IFFO2: variants seen among roughly 807,000 people sequenced by gnomAD.
IFFO2 encodes intermediate filament family orphan 2.
A neutral mutation model predicts 53.5 loss-of-function variants in IFFO2; 19 were observed. The observed-to-expected ratio is 0.36, with a 90% CI of 0.25 to 0.52. The LOEUF is 0.52. Ranked by LOEUF, IFFO2 falls within the 20% of genes least tolerant of loss-of-function variation. The pLI is 0.94. For missense variants in IFFO2, 570 were observed against 727.4 expected, an observed-to-expected ratio of 0.78 and a Z score of 2.49; for synonymous variants, 303 against 313.6, an observed-to-expected ratio of 0.97 and a Z score of 0.36.
chr1:18,908,548 A>G lies in IFFO2; in HGVS notation c.*13T>C. On this transcript the variant is annotated 3_prime_UTR_variant, in exon 9 of 9. Transcript: ENST00000455833. ...CCATCACCAAGACCACCAGGCTCGC[A>G]GGGCCTCAGTCATCAGCTGACCATG... The G allele has an allele frequency of 6.5e-7, 1 of 1,541,378 alleles. No individual in the cohort carries two copies. The highest frequency in any genetic ancestry group is 1.2e-5 in the South Asian group (1 of 83,858).
chr1:18,950,715 C>T (rs989222382), intron 1 of IFFO2, among the ~76,000 whole-genome samples: 2 of 152,162 alleles, frequency 1.3e-5, no homozygotes, highest in Non-Finnish European at 2.9e-5. Context: ...CTTCGGGCTT[C>T]GGGACATTCA....
intron 1 of IFFO2, among the ~76,000 whole-genome samples, chr1:18,946,554 ACAGGTGCCTGCCACCATGCC>A (rs1936590645): frequency 6.6e-6 from 1 of 151,310 alleles, no homozygotes; most frequent in South Asian, 2.1e-4. Flanking sequence ...AGCTGGGATT[ACAGGTGCCTGCCACCATGCC>A]CGGCTAATTT....
At chr1:18,934,753 C>T (rs1015399593) in intron 1 of IFFO2, among the ~76,000 whole-genome samples, 1 of 152,118 alleles carries the variant, frequency 6.6e-6, no homozygotes, top group Non-Finnish European at 1.5e-5. Flanking sequence ...CAACGGGATG[C>T]GACCATATGT....
Position 18,955,661 on chromosome 1 carries a change from C to T in IFFO2, c.665+7G>A, listed in dbSNP as rs1220214991. On this transcript the variant is annotated splice_region_variant and intron_variant, in intron 1 of 8. Transcript: ENST00000455833. ...CCCAGGGCGGCGGGGGAGGGGCGGC[C>T]ACTCACCTCCGCTTATACTCGTCGC... 9.6e-6 allele frequency: 15 copies of T among 1,569,660 alleles called. No homozygotes were observed. Among genetic ancestry groups the T allele is most frequent in the Middle Eastern group, 4.3e-4 (2 of 4,642 alleles).
Position 18,916,292 on chromosome 1 carries a change from G to A in IFFO2, c.1103+611C>T, listed in dbSNP as rs959292998. ...TTTTGGAGGAAGCTTTCGAAGGAAA[G>A]GCAGGAGAATGGCAGACAGGGAACA... is the stretch of plus-strand genomic sequence containing the variant. On this transcript the variant is annotated intron_variant, in intron 5 of 8. Transcript: ENST00000455833. This position sits in a 1 kb window ranked among gnomAD's most constrained non-coding sequence, Gnocchi z 4.3. 6.6e-6 allele frequency among the ~76,000 whole-genome samples: 1 copy of A among 152,154 alleles called. No homozygotes were observed. Among genetic ancestry groups the A allele is most frequent in the African/African-American group, 2.4e-5 (1 of 41,424 alleles).
At chr1:18,944,709 C>T (rs542604045) in intron 1 of IFFO2, among the ~76,000 whole-genome samples, 11 of 152,314 alleles carry the variant, frequency 7.2e-5, no homozygotes, top group African/African-American at 2.4e-4. Flanking sequence ...CACGTACATA[C>T]ATGCACACTC....
chr1:18,915,540 T>A (rs925203620), intron 5 of IFFO2, among the ~76,000 whole-genome samples: 1 of 152,120 alleles, frequency 6.6e-6, no homozygotes, highest in African/African-American at 2.4e-5. Context: ...CAGTGTTTCC[T>A]ACTGACAGCG....
At chr1:18,925,766 A>G (rs564621060) in intron 1 of IFFO2, among the ~76,000 whole-genome samples, 1 of 151,424 alleles carries the variant, frequency 6.6e-6, no homozygotes, top group East Asian at 1.9e-4. Flanking sequence ...GGTTGGATGG[A>G]TGGATGGATG....
rs375839018 is a variant in IFFO2, at chr1:18,919,702, C to T, written c.798G>A (p.Val266=). The T allele has an allele frequency of 3.1e-4, 475 of 1,551,678 alleles. 5 individuals carry two copies. Among genetic ancestry groups the T allele is most frequent in the South Asian group, 1.9e-3 (159 of 84,064 alleles). The change falls in exon 3 of 9, where the codon GTG becomes GTA. Residue 266 remains valine, a synonymous_variant. Coordinates refer to ENST00000455833, the MANE Select transcript of IFFO2 (RefSeq NM_001136265.2). This position sits in a 1 kb window ranked among gnomAD's most constrained non-coding sequence, Gnocchi z 4.9. ...EKIERLKAEL[V]VFKGLMSDPM... is the part of the protein sequence containing the mutation. Reference sequence around the variant, plus strand: ...CGTCACTCATAAGCCCCTTAAACACCACCAGCTCGGCCTTGAGCCGCTCGA... The same window carrying T: ...CGTCACTCATAAGCCCCTTAAACACTACCAGCTCGGCCTTGAGCCGCTCGA...
Position 18,928,199 on chromosome 1 carries a change from C to T in IFFO2, c.666-7078G>A, listed in dbSNP as rs989277296. Among the ~76,000 whole-genome samples, 2 of 152,170 alleles carry T rather than the reference C, an allele frequency of 1.3e-5. No individual in the cohort carries two copies. The highest frequency in any genetic ancestry group is 1.9e-4 in the East Asian group (1 of 5,186). On this transcript the variant is annotated intron_variant, in intron 1 of 8. Transcript: ENST00000455833. The surrounding 1 kb of genome is among the most constrained non-coding windows in gnomAD (Gnocchi z 4.9). ...CCCCTCCTGCCTGCCCCAAGCCCCACCCCCTGGGGACACCTGGCACCACCT... is the reference window on the plus strand; with the variant it reads ...CCCCTCCTGCCTGCCCCAAGCCCCATCCCCTGGGGACACCTGGCACCACCT...
At chr1:18,914,866 T>G (rs1313003327) in intron 5 of IFFO2, among the ~76,000 whole-genome samples, 1 of 143,432 alleles carries the variant, frequency 7.0e-6, no homozygotes, top group African/African-American at 2.6e-5. Context: ...CAGCAAAAGA[T>G]GAGAATATGA....
intron 1 of IFFO2, among the ~76,000 whole-genome samples, chr1:18,938,967 C>T (rs1936486499): frequency 6.6e-6 from 1 of 152,244 alleles, no homozygotes; most frequent in African/African-American, 2.4e-5. Context: ...TGGCAGGCAA[C>T]ACTGCTTAAC....
chr1:18,925,798 GATGGA>G (rs1158622196), intron 1 of IFFO2, among the ~76,000 whole-genome samples: 1 of 142,092 alleles, frequency 7.0e-6, no homozygotes, highest in Non-Finnish European at 1.5e-5. Flanking sequence ...TGGATGGATG[GATGGA>G]TTGGTTGGAT....
In IFFO2 at chr1:18,916,815, G is replaced by C; in HGVS notation, c.1103+88C>G. On this transcript the variant is annotated intron_variant, in intron 5 of 8. Coordinates refer to ENST00000455833, the MANE Select transcript of IFFO2 (RefSeq NM_001136265.2). The surrounding 1 kb of genome is among the most constrained non-coding windows in gnomAD (Gnocchi z 4.3). ...GAATTCAAATTCTTCCAGTGCTGCA[G>C]GCTACTCTCAGCCCAAGCCTCCCAT... 7.0e-7 allele frequency: 1 copy of C among 1,430,222 alleles called. No homozygotes were observed. Among genetic ancestry groups the C allele is most frequent in the Non-Finnish European group, 9.5e-7 (1 of 1,053,148 alleles). The allele number at this position is 1,430,222 out of a possible 1,614,324, so 88.6% of individuals were successfully genotyped here. A position where few individuals can be genotyped will look rare whatever the true frequency, so the allele number is the denominator to read the frequency against.
intron 1 of IFFO2, among the ~76,000 whole-genome samples, chr1:18,925,842 G>T (rs1569847158): frequency 1.7e-4 from 13 of 75,130 alleles, no homozygotes; most frequent in Non-Finnish European, 3.4e-4. Flanking sequence ...ATGGATGGAT[G>T]GATGGATGGA....
At chr1:18,910,319 C>T (rs1441779226) in intron 8 of IFFO2, 23 bp downstream of exon 8, 1 of 1,586,130 alleles carries the variant, frequency 6.3e-7, no homozygotes, top group Non-Finnish European at 8.6e-7. Context: ...ATAGCTGAAT[C>T]CCCTGGGAGG....
chr1:18,924,576 T>C (rs1278911901), intron 1 of IFFO2, among the ~76,000 whole-genome samples: 2 of 152,136 alleles, frequency 1.3e-5, no homozygotes, highest in Admixed American at 1.3e-4. Flanking sequence ...CCCCAGCCCA[T>C]GGCTGAGCAA....
chr1:18,922,232 C>T (rs1381146814), intron 1 of IFFO2, among the ~76,000 whole-genome samples: 1 of 152,160 alleles, frequency 6.6e-6, no homozygotes, highest in East Asian at 1.9e-4. Flanking sequence ...CCTAACCCAG[C>T]TCCTCCAACA....
At position 18,917,451 on chromosome 1, in the gene IFFO2, C is replaced by T. The variant is rs936562401; in HGVS notation, c.964-409G>A. On this transcript the variant is annotated intron_variant, in intron 4 of 8. Transcript: ENST00000455833. The surrounding 1 kb of genome is among the most constrained non-coding windows in gnomAD (Gnocchi z 5.9). ...CCATGCTGACCAGAGCCCTCCTGCT[C>T]ACATGCAAAGGCAAAGGACAGACGG... Among the ~76,000 whole-genome samples the T allele has an allele frequency of 1.3e-5, 2 of 152,120 alleles. No homozygotes were observed. Among genetic ancestry groups the T allele is most frequent in the Admixed American group, 1.3e-4 (2 of 15,278 alleles).
Sources: gnomAD v4.1 joint callset for allele counts (sites outside exome capture counted in the v4.1 genomes callset) on GRCh38, gnomAD v4.1.1 for gene constraint, Gnocchi (gnomAD v3.1) non-coding constraint, MANE v1.5 for transcripts, NCBI Gene and HGNC (gene_info 2026-07-23, HGNC 2026-07-21) for gene names.